The following PAMR1 variants were observed in gnomAD, a reference collection of about 807,000 sequenced individuals.
The protein encoded by PAMR1 is peptidase domain containing associated with muscle regeneration 1, also known as inactive serine protease PAMR1.
Under a neutral mutation model 81.8 loss-of-function variants are expected in PAMR1, and 88 were observed. The ratio of observed to expected loss-of-function variants is 1.08; its 90% CI spans 0.91 to 1.28. PAMR1 has a LOEUF of 1.28. PAMR1 is among the 50% of genes most tolerant of loss of function. PAMR1 has a pLI of 0.00. For synonymous variants in PAMR1, 336 were observed against 345.3 expected (o/e 0.97, Z 0.30); for missense variants, 935 against 919.7 (o/e 1.02, Z -0.21).
intron 5 of PAMR1, among the ~76,000 whole-genome samples, chr11:35,469,024 T>C (rs1361491722): frequency 6.6e-6 from 1 of 152,176 alleles, no homozygotes; most frequent in Non-Finnish European, 1.5e-5. Context: ...CGACTATGAC[T>C]TGAAGCATAA....
intron 1 of PAMR1, among the ~76,000 whole-genome samples, chr11:35,512,104 A>G (rs1300508106): frequency 6.6e-6 from 1 of 152,226 alleles, no homozygotes; most frequent in East Asian, 1.9e-4. Flanking sequence ...GGGTACCAGG[A>G]GTGATAAAAC....
rs759669866 is a variant in PAMR1 at position 35,435,893 on chromosome 11, C to A, written c.1333+10G>T. 2.5e-6 allele frequency: 4 copies of A among 1,598,282 alleles called. No homozygotes were observed. The African/African-American group carries it at 5.4e-5, about 21-fold the overall frequency. Reference sequence around the variant, plus strand: ...AGCATGCTCAAGCCCAAGAATGAGCCTTGACTCACTAGGGATGCAGGATGG... The same window carrying A: ...AGCATGCTCAAGCCCAAGAATGAGCATTGACTCACTAGGGATGCAGGATGG... On this transcript the variant is annotated intron_variant, in intron 9 of 10. Coordinates refer to ENST00000619888, the MANE Select transcript of PAMR1 (RefSeq NM_001001991.3).
At chr11:35,490,421 A>G (rs1407013890) in intron 3 of PAMR1, among the ~76,000 whole-genome samples, 1 of 152,252 alleles carries the variant, frequency 6.6e-6, no homozygotes, top group Non-Finnish European at 1.5e-5. Context: ...GTGATCTTAC[A>G]TAATCCAAAG....
intron 6 of PAMR1, among the ~76,000 whole-genome samples, chr11:35,459,337 C>G (rs771843704): frequency 2.6e-5 from 4 of 152,182 alleles, no homozygotes; most frequent in Non-Finnish European, 5.9e-5. Context: ...CAAAATCAAC[C>G]TGACACATTC....
chr11:35,474,681 G>T lies in PAMR1; in HGVS notation c.443C>A (p.Ala148Asp), dbSNP rs2135382639. Reference protein sequence around the residue: ...QILLESYPLNAHCEWTIHAKP... With the variant: ...QILLESYPLNDHCEWTIHAKP... ...AGCATGAATGGTCCATTCACAGTGA[G>T]CATTTAGGGGATAGCTTTCCAACAA... is the stretch of plus-strand genomic sequence containing the variant. Residue 148 changes from alanine (A) to aspartate (D), a missense_variant, in exon 4 of 11, where the codon GCT becomes GAT. By Grantham distance (126) the Ala-to-Asp change is moderately radical. Coordinates refer to ENST00000619888, the MANE Select transcript of PAMR1 (RefSeq NM_001001991.3). 6.2e-7 allele frequency: 1 copy of T among 1,610,900 alleles called. No individual in the cohort carries two copies. The highest frequency in any genetic ancestry group is 1.7e-4 in the Middle Eastern group (1 of 6,056).
At position 35,522,071 on chromosome 11, in the gene PAMR1, T is replaced by C. The variant is rs531903487; in HGVS notation, c.73+3442A>G. 6.3e-3 allele frequency among the ~76,000 whole-genome samples: 965 copies of C among 152,106 alleles called. 7 individuals are homozygous for C. Among genetic ancestry groups the C allele is most frequent in the Middle Eastern group, 0.027 (8 of 294 alleles). ...CCGAGTAGCTGGGACTACAGGCGCCTGCCACCACGCCCAGCTAATTTTTTG... is the reference window on the plus strand; with the variant it reads ...CCGAGTAGCTGGGACTACAGGCGCCCGCCACCACGCCCAGCTAATTTTTTG... On this transcript the variant is annotated intron_variant, in intron 1 of 10. Coordinates refer to ENST00000619888, the MANE Select transcript of PAMR1 (RefSeq NM_001001991.3).
intron 3 of PAMR1, among the ~76,000 whole-genome samples, chr11:35,484,757 T>C (rs989564062): frequency 6.6e-6 from 1 of 152,216 alleles, no homozygotes; most frequent in Non-Finnish European, 1.5e-5. Context: ...CCCAGTATCC[T>C]TCAGGGACTG....
intron 1 of PAMR1, among the ~76,000 whole-genome samples, chr11:35,497,498 T>G (rs1850749073): frequency 6.6e-6 from 1 of 152,186 alleles, no homozygotes; most frequent in South Asian, 2.1e-4. Flanking sequence ...AGGTGATGGT[T>G]GCACAATCAC....
rs539280172 is a variant in PAMR1, at chr11:35,432,225, C to A, written c.*131G>T. ...TACTCACCCTTCACTGAGTTTTGTC[C>A]CTGAAGTCAGAAGCCCTGGCACAGC... On this transcript the variant is annotated 3_prime_UTR_variant, in exon 11 of 11. Coordinates refer to ENST00000619888, the MANE Select transcript of PAMR1 (RefSeq NM_001001991.3). 1.7e-5 allele frequency: 14 copies of A among 804,760 alleles called. No individual in the cohort carries two copies. In the East Asian group the frequency reaches 3.6e-4, roughly 21 times the overall value. The allele number at this position is 804,760 out of a possible 1,614,324, so 49.9% of individuals were successfully genotyped here. A position where few individuals can be genotyped will look rare whatever the true frequency, so the allele number is the denominator to read the frequency against.
At chr11:35,494,901 A>AACC (rs1850697979) in intron 1 of PAMR1, among the ~76,000 whole-genome samples, 1 of 152,260 alleles carries the variant, frequency 6.6e-6, no homozygotes, top group Non-Finnish European at 1.5e-5. Context: ...TTGACAATAG[A>AACC]ACCTGTATAT....
intron 3 of PAMR1, among the ~76,000 whole-genome samples, chr11:35,490,326 C>T (rs1173912): frequency 0.21 from 31,633 of 152,088 alleles, 4,941 homozygotes; most frequent in African/African-American, 0.43. Context: ...CCTACCACTC[C>T]AACCCCATCA....
chr11:35,518,757 C>T lies in PAMR1; in HGVS notation c.73+6756G>A, dbSNP rs1390971890. On this transcript the variant is annotated intron_variant, in intron 1 of 10. Transcript: ENST00000619888. ...ATCCAACAATTCATTTGATTTCAAG[C>T]AAAACAACCCAACATCCCCTCTCCA... Among the ~76,000 whole-genome samples, 3 of 152,032 alleles carry T rather than the reference C, an allele frequency of 2.0e-5. No individual in the cohort carries two copies. In the East Asian group the frequency reaches 5.8e-4, roughly 30 times the overall value.
At chr11:35,439,953 G>A (rs1421617647) in intron 7 of PAMR1, among the ~76,000 whole-genome samples, 1 of 152,120 alleles carries the variant, frequency 6.6e-6, no homozygotes, top group African/African-American at 2.4e-5. Flanking sequence ...GAGTGATTTG[G>A]GACAATGGCA....
At chr11:35,461,821 A>G (rs1856661428) in intron 6 of PAMR1, among the ~76,000 whole-genome samples, 8 of 152,140 alleles carry the variant, frequency 5.3e-5, no homozygotes, top group Admixed American at 5.2e-4. Context: ...GTGTAAGAAG[A>G]CAGTGGCCCA....
rs1855913719 is a variant in PAMR1 at position 35,431,961 on chromosome 11, C to T, written c.*395G>A. 1 of 226,348 alleles carries T rather than the reference C, an allele frequency of 4.4e-6. No homozygotes were observed. Among genetic ancestry groups the T allele is most frequent in the Admixed American group, 5.2e-5 (1 of 19,190 alleles). The allele number at this position is 226,348 out of a possible 1,614,324, so 14.0% of individuals were successfully genotyped here. On this transcript the variant is annotated 3_prime_UTR_variant, in exon 11 of 11. Transcript: ENST00000619888. ...CCCAGCTCTGCTGCCCTGGGCTGTC[C>T]CACAGGCAGCTCTCTAGAACTTGAG... is the stretch of plus-strand genomic sequence containing the variant.
chr11:35,515,825 G>A (rs545841329), intron 1 of PAMR1, among the ~76,000 whole-genome samples: 1 of 142,884 alleles, frequency 7.0e-6, no homozygotes, highest in East Asian at 2.3e-4. Flanking sequence ...TGTATGCCAA[G>A]TCTTTTGGGA....
intron 6 of PAMR1, among the ~76,000 whole-genome samples, chr11:35,444,723 C>G (rs1258366978): frequency 1.3e-5 from 2 of 152,094 alleles, no homozygotes; most frequent in Non-Finnish European, 2.9e-5. Flanking sequence ...TATACCAGTA[C>G]CATGCTGTTT....
At chr11:35,516,240 C>G (rs1463272605) in intron 1 of PAMR1, among the ~76,000 whole-genome samples, 1 of 152,214 alleles carries the variant, frequency 6.6e-6, no homozygotes, top group Non-Finnish European at 1.5e-5. Flanking sequence ...GATTCAAACC[C>G]TGATCAGTGT....
chr11:35,528,050 G>A (rs921429796), upstream of PAMR1, among the ~76,000 whole-genome samples: 1 of 151,690 alleles, frequency 6.6e-6, no homozygotes, highest in Non-Finnish European at 1.5e-5. Context: ...ATACCAAGCA[G>A]CCTCATCCCT....
Sources: allele counts gnomAD v4.1 joint callset (sites outside exome capture counted in the v4.1 genomes callset), GRCh38; gene constraint gnomAD v4.1.1; transcripts MANE v1.5; gene names NCBI Gene and HGNC (gene_info 2026-07-23, HGNC 2026-07-21).